The following TMEM38B variants were observed in gnomAD, a reference collection of about 807,000 sequenced individuals.
The protein encoded by TMEM38B is trimeric intracellular cation channel type B.
Under a neutral mutation model 28.7 loss-of-function variants are expected in TMEM38B, and 24 were observed. The observed-to-expected ratio is 0.84, with a 90% CI of 0.61 to 1.18. TMEM38B has a LOEUF of 1.18. Ranked by LOEUF, TMEM38B falls within the 50% of genes most tolerant of loss-of-function variation. The pLI is 0.00. For synonymous variants in TMEM38B, 131 were observed against 127.7 expected (o/e 1.03, Z -0.17); for missense variants, 380 against 350.9 (o/e 1.08, Z -0.66).
chr9:105,697,459 G>A (rs1394943234), intron 1 of TMEM38B, among the ~76,000 whole-genome samples: 1 of 152,068 alleles, frequency 6.6e-6, no homozygotes, highest in African/African-American at 2.4e-5. Context: ...TCTATTATTG[G>A]TCTTCAATAT....
At chr9:105,768,608 A>C (rs368530080) in intron 5 of TMEM38B, among the ~76,000 whole-genome samples, 1 of 152,072 alleles carries the variant, frequency 6.6e-6, no homozygotes, top group African/African-American at 2.4e-5. Flanking sequence ...CAGATTTTCT[A>C]TTTTACTTGT....
At chr9:105,765,538 A>T (rs1826344222) in intron 5 of TMEM38B, among the ~76,000 whole-genome samples, 1 of 152,194 alleles carries the variant, frequency 6.6e-6, no homozygotes, top group South Asian at 2.1e-4. Flanking sequence ...TATACCATTT[A>T]TCCACTTTAT....
At chr9:105,760,660 A>G (rs1838008414) in intron 5 of TMEM38B, 3 of 941,244 alleles carry the variant, frequency 3.2e-6, no homozygotes, top group Non-Finnish European at 5.2e-6. Flanking sequence ...ATTTCCAACC[A>G]CGGAGATTGA....
intron 4 of TMEM38B, among the ~76,000 whole-genome samples, chr9:105,733,480 T>C (rs1836852312): frequency 6.7e-6 from 1 of 150,048 alleles, no homozygotes; most frequent in African/African-American, 2.5e-5. Flanking sequence ...TGATGGCCTC[T>C]GAAAGTGTGT....
chr9:105,759,948 T>C, intron 5 of TMEM38B: 2 of 1,580,034 alleles, frequency 1.3e-6, no homozygotes, highest in South Asian at 2.2e-5. Flanking sequence ...GCAGCACAAG[T>C]GTGCAAACAG....
chr9:105,735,494 A>G (rs1337953352), intron 4 of TMEM38B, among the ~76,000 whole-genome samples: 1 of 152,106 alleles, frequency 6.6e-6, no homozygotes, highest in African/African-American at 2.4e-5. Flanking sequence ...GAATTCCCTC[A>G]GCTTTTGCTT....
chr9:105,759,538 A>AT (rs1025389044), intron 5 of TMEM38B: 1 of 1,561,998 alleles, frequency 6.4e-7, no homozygotes, highest in East Asian at 2.2e-5. Context: ...GTTAAGTGGT[A>AT]TGCATGATCT....
At chr9:105,751,787 G>C (rs557378046) in intron 5 of TMEM38B, among the ~76,000 whole-genome samples, 1 of 152,330 alleles carries the variant, frequency 6.6e-6, no homozygotes, top group South Asian at 2.1e-4. Context: ...GTCCAGATGA[G>C]GAAGGGTCCC....
At position 105,703,605 on chromosome 9, in the gene TMEM38B, TC is replaced by T. The variant is rs1835532091; in HGVS notation, c.113-1989del. Among the ~76,000 whole-genome samples, 7 of 152,270 alleles carry T rather than the reference TC, an allele frequency of 4.6e-5. No individual in the cohort carries two copies. The South Asian group carries it at 1.5e-3, about 32-fold the overall frequency. ...GTCAAATGGTATTTCCAGTTCTAGA[TC>T]CCTGAGTAATCGCCACACTGACTTC... On this transcript the variant is annotated intron_variant, in intron 1 of 5. Coordinates refer to ENST00000374692, the MANE Select transcript of TMEM38B (RefSeq NM_018112.3).
At chr9:105,697,859 G>A (rs919217872) in intron 1 of TMEM38B, among the ~76,000 whole-genome samples, 27 of 151,818 alleles carry the variant, frequency 1.8e-4, no homozygotes, top group African/African-American at 6.0e-4. Context: ...AAAAATACTC[G>A]TCCTTGATCT....
intron 5 of TMEM38B, among the ~76,000 whole-genome samples, chr9:105,761,169 A>G (rs1021611872): frequency 1.3e-5 from 2 of 152,202 alleles, no homozygotes; most frequent in African/African-American, 4.8e-5. Flanking sequence ...CTTTGTTTCT[A>G]AGTATAAGAA....
At chr9:105,731,637 C>G (rs1836752666) in intron 4 of TMEM38B, among the ~76,000 whole-genome samples, 2 of 152,246 alleles carry the variant, frequency 1.3e-5, no homozygotes, top group Middle Eastern at 3.4e-3. Context: ...GACATGAACT[C>G]ATCCTTTTTT....
chr9:105,747,320 G>C (rs977932843), intron 4 of TMEM38B, among the ~76,000 whole-genome samples: 4 of 152,118 alleles, frequency 2.6e-5, no homozygotes, highest in South Asian at 2.1e-4. Flanking sequence ...TGTATGTGTC[G>C]AGGAATTTAT....
intron 4 of TMEM38B, among the ~76,000 whole-genome samples, chr9:105,742,275 G>C (rs1837235470): frequency 6.6e-6 from 1 of 152,202 alleles, no homozygotes; most frequent in Non-Finnish European, 1.5e-5. Flanking sequence ...AGGCCCATAG[G>C]CTGGATTCAG....
At chr9:105,743,662 G>A (rs1028653931) in intron 4 of TMEM38B, among the ~76,000 whole-genome samples, 12 of 152,070 alleles carry the variant, frequency 7.9e-5, no homozygotes, top group African/African-American at 2.9e-4. Flanking sequence ...GGCTGCAGAT[G>A]GCTTTTATTG....
At chr9:105,743,792 CT>C (rs1468864147) in intron 4 of TMEM38B, among the ~76,000 whole-genome samples, 5 of 152,102 alleles carry the variant, frequency 3.3e-5, no homozygotes, top group Non-Finnish European at 7.4e-5. Context: ...CTTTCTTTTC[CT>C]GCATTCCACC....
intron 4 of TMEM38B, among the ~76,000 whole-genome samples, chr9:105,746,239 C>T (rs2133614707): frequency 7.0e-6 from 1 of 143,820 alleles, no homozygotes. Flanking sequence ...CATTTGTATC[C>T]TCTTTTATTT....
Position 105,694,545 on chromosome 9 carries a change from C to G in TMEM38B, c.-116C>G. The G allele has an allele frequency of 1.5e-6, 1 of 651,088 alleles. No homozygotes were observed. Among genetic ancestry groups the G allele is most frequent in the Non-Finnish European group, 2.4e-6 (1 of 408,942 alleles). The allele number at this position is 651,088 out of a possible 1,614,324, so 40.3% of individuals were successfully genotyped here. Reference sequence around the variant, plus strand: ...TCGGCGCCAGGGCGCACGCGCGGAGCTGGAGCCGGCGCGGAGGAGCGGGCG... The same window carrying G: ...TCGGCGCCAGGGCGCACGCGCGGAGGTGGAGCCGGCGCGGAGGAGCGGGCG... On this transcript the variant is annotated 5_prime_UTR_variant, in exon 1 of 6. Transcript: ENST00000374692.
chr9:105,742,217 GGAA>G (rs1387684135), intron 4 of TMEM38B, among the ~76,000 whole-genome samples: 3 of 152,320 alleles, frequency 2.0e-5, no homozygotes, highest in Non-Finnish European at 2.9e-5. Context: ...GAAAGGAAAA[GGAA>G]GAATGACTTC....
Sources: gnomAD v4.1 joint callset for allele counts (sites outside exome capture counted in the v4.1 genomes callset) on GRCh38, gnomAD v4.1.1 for gene constraint, MANE v1.5 for transcripts, NCBI Gene and HGNC (gene_info 2026-07-23, HGNC 2026-07-21) for gene names.